PTCHD1: variants seen among roughly 807,000 people sequenced by gnomAD.
The protein encoded by PTCHD1 is patched domain-containing protein 1.
Under a neutral mutation model 34.6 loss-of-function variants are expected in PTCHD1, and 3 were observed. The ratio of observed to expected loss-of-function variants is 0.09; its 90% CI spans 0.04 to 0.22. PTCHD1 has a LOEUF of 0.22. Ranked by LOEUF, PTCHD1 falls within the 10% of genes least tolerant of loss-of-function variation. PTCHD1 has a pLI of 1.00. For missense variants in PTCHD1, 504 were observed against 685.5 expected (o/e 0.74, Z 2.96); for synonymous variants, 305 against 283.1 (o/e 1.08, Z -0.77).
chrX:23,390,598 G>T (rs1050496580), intron 2 of PTCHD1, among the ~76,000 whole-genome samples: 3 of 111,422 alleles, frequency 2.7e-5, no homozygotes, highest in African/African-American at 9.8e-5. Context: ...ATTTAATAGG[G>T]GCCTCGGTGC....
intron 1 of PTCHD1, among the ~76,000 whole-genome samples, chrX:23,342,310 ATTTTTTT>A (rs1174366015): frequency 3.9e-4 from 5 of 12,916 alleles, no homozygotes; most frequent in African/African-American, 7.0e-4. Context: ...ATATATATAT[ATTTTTTT>A]TTTTTTTTTT....
chrX:23,346,564 T>A (rs35276752), intron 1 of PTCHD1, among the ~76,000 whole-genome samples: 27,039 of 110,940 alleles, frequency 0.24, 2,823 homozygotes, highest in East Asian at 0.54. Flanking sequence ...TCTAGAATGA[T>A]CAGATACAAA....
intron 1 of PTCHD1, among the ~76,000 whole-genome samples, chrX:23,367,678 T>C (rs907406666): frequency 3.6e-5 from 4 of 111,275 alleles, no homozygotes; most frequent in African/African-American, 1.3e-4. Flanking sequence ...GTTGCAATAG[T>C]GGGAGCATAG....
rs142314766 is a variant in PTCHD1, at chrX:23,381,660, A to C, written c.1012+1409A>C. Among the ~76,000 whole-genome samples, 15 of 111,917 alleles carry C rather than the reference A, an allele frequency of 1.3e-4. No individual in the cohort carries two copies. In the East Asian group the frequency reaches 3.9e-3, roughly 29 times the overall value. The stretch of plus-strand genomic sequence containing the variant: ...TGGCCCGAGGAATTGAAACCTAGTC[A>C]ATAAACATATACTAGTAGCTTTTGT... On this transcript the variant is annotated intron_variant, in intron 2 of 2. Transcript: ENST00000379361.
chrX:23,374,415 G>C (rs1005113355), intron 1 of PTCHD1, among the ~76,000 whole-genome samples: 3 of 107,836 alleles, frequency 2.8e-5, no homozygotes, highest in African/African-American at 1.0e-4. Context: ...CTTCTGTACT[G>C]TCCTCTGCAA....
intron 1 of PTCHD1, among the ~76,000 whole-genome samples, chrX:23,353,384 C>G (rs752367330): frequency 8.9e-6 from 1 of 112,160 alleles, no homozygotes; most frequent in African/African-American, 3.2e-5. Context: ...GTTGGGAGTT[C>G]GAGACCAGCC....
At chrX:23,334,540 G>C, upstream of PTCHD1, 1 of 108,362 alleles carries the variant, frequency 9.2e-6, no homozygotes, top group East Asian at 3.0e-4. Flanking sequence ...GCGCGGCGCG[G>C]AGCCCCCCTG....
chrX:23,374,603 CT>C (rs199743694), intron 1 of PTCHD1, among the ~76,000 whole-genome samples: 1,501 of 96,854 alleles, frequency 0.015, 10 homozygotes, highest in South Asian at 0.026. Context: ...AGAGGGAAAT[CT>C]TTTTTTTTTT....
chrX:23,379,511 G>C lies in PTCHD1; in HGVS notation c.352-80G>C, dbSNP rs1275695868. 6 of 996,090 alleles carry C rather than the reference G, an allele frequency of 6.0e-6. No homozygotes were observed. In the South Asian group the frequency reaches 1.0e-4, roughly 17 times the overall value. 82.1% of individuals were successfully genotyped at this position (996,090 alleles called of 1,213,427 possible). On this transcript the variant is annotated intron_variant, in intron 1 of 2. Transcript: ENST00000379361. ...CATTTGATTTGAACTGTTTAGCTTA[G>C]AGACGGAATGTCCACCCTCTCCAAA...
At chrX:23,358,028 T>C (rs1442188562) in intron 1 of PTCHD1, among the ~76,000 whole-genome samples, 2 of 112,055 alleles carry the variant, frequency 1.8e-5, no homozygotes, top group Non-Finnish European at 3.8e-5. Context: ...ATGGTGTATA[T>C]GTGCCACATT....
intron 1 of PTCHD1, among the ~76,000 whole-genome samples, chrX:23,363,345 A>T (rs1601909119): frequency 8.9e-6 from 1 of 112,578 alleles, no homozygotes; most frequent in Non-Finnish European, 1.9e-5. Context: ...TTACCTGCTC[A>T]AGCCTCAGCA....
At chrX:23,349,025 A>C (rs1207491431) in intron 1 of PTCHD1, among the ~76,000 whole-genome samples, 1 of 112,134 alleles carries the variant, frequency 8.9e-6, no homozygotes, top group Non-Finnish European at 1.9e-5. Context: ...TGAGGGAGGA[A>C]TTGTGAATAC....
rs1386832587 is a variant in PTCHD1 at position 23,398,356 on chromosome X, T to C, written c.*4171T>C. On this transcript the variant is annotated 3_prime_UTR_variant, in exon 3 of 3. Coordinates refer to ENST00000379361, the MANE Select transcript of PTCHD1 (RefSeq NM_173495.3). Reference sequence around the variant, plus strand: ...GTTAATTACCAGTCATTTTAGGACATCAAAATGAAGCTGATCACCACATAG... The same window carrying C: ...GTTAATTACCAGTCATTTTAGGACACCAAAATGAAGCTGATCACCACATAG... 9.0e-6 allele frequency: 1 copy of C among 111,489 alleles called. No individual in the cohort carries two copies. The highest frequency in any genetic ancestry group is 1.9e-5 in the Non-Finnish European group (1 of 53,067). The allele number at this position is 111,489 out of a possible 1,213,427, so 9.2% of individuals were successfully genotyped here. A position where few individuals can be genotyped will look rare whatever the true frequency, so the allele number is the denominator to read the frequency against.
Position 23,395,627 on chromosome X carries a change from A to T in PTCHD1, c.*1442A>T, listed in dbSNP as rs1922969952. On this transcript the variant is annotated 3_prime_UTR_variant, in exon 3 of 3. Coordinates refer to ENST00000379361, the MANE Select transcript of PTCHD1 (RefSeq NM_173495.3). ...GTATCTACAGAAGAATGGTTCATAG[A>T]TCTAAACAGAAATGGTTTAGATCTA... is the stretch of plus-strand genomic sequence containing the variant. 1 of 111,978 alleles carries T rather than the reference A, an allele frequency of 8.9e-6. No homozygotes were observed. Among genetic ancestry groups the T allele is most frequent in the African/African-American group, 3.2e-5 (1 of 30,772 alleles). The allele number at this position is 111,978 out of a possible 1,213,427, so 9.2% of individuals were successfully genotyped here.
chrX:23,388,321 G>A (rs745664281), intron 2 of PTCHD1, among the ~76,000 whole-genome samples: 10 of 112,322 alleles, frequency 8.9e-5, no homozygotes, highest in Non-Finnish European at 1.7e-4. Context: ...AGATTTAACA[G>A]AGAAGCTTAT....
intron 1 of PTCHD1, among the ~76,000 whole-genome samples, chrX:23,348,568 T>C (rs182479323): frequency 1.5e-4 from 17 of 110,290 alleles, no homozygotes; most frequent in African/African-American, 5.6e-4. Flanking sequence ...GGACACCTTA[T>C]ATATAGAGGA....
At chrX:23,352,108 G>GA (rs1264820057) in intron 1 of PTCHD1, among the ~76,000 whole-genome samples, 1 of 112,092 alleles carries the variant, frequency 8.9e-6, no homozygotes, top group African/African-American at 3.2e-5. Context: ...CTTAAAAAGA[G>GA]AGAGAGCCAT....
intron 1 of PTCHD1, among the ~76,000 whole-genome samples, chrX:23,353,356 A>C (rs747797023): frequency 3.0e-4 from 34 of 112,571 alleles, no homozygotes; most frequent in African/African-American, 1.1e-3. Context: ...GGCGGCCGAG[A>C]CAGGCGTATC....
At chrX:23,341,703 G>C (rs751149054) in intron 1 of PTCHD1, among the ~76,000 whole-genome samples, 29 of 110,465 alleles carry the variant, frequency 2.6e-4, no homozygotes, top group African/African-American at 9.2e-4. Flanking sequence ...ACCTTTAAAA[G>C]ACAAGAAAAG....
Sources: allele counts gnomAD v4.1 joint callset (sites outside exome capture counted in the v4.1 genomes callset), GRCh38; gene constraint gnomAD v4.1.1; transcripts MANE v1.5; gene names NCBI Gene and HGNC (gene_info 2026-07-23, HGNC 2026-07-21).